Variants in SH2D3C observed in about 807,000 individuals in gnomAD.
SH2D3C encodes SH2 domain-containing protein 3C.
A neutral mutation model predicts 75.2 loss-of-function variants in SH2D3C; 25 were observed. The observed-to-expected ratio is 0.33, with a 90% CI of 0.24 to 0.46. SH2D3C has a LOEUF of 0.46. Ranked by LOEUF, SH2D3C falls within the 20% of genes least tolerant of loss-of-function variation. The pLI, the probability that SH2D3C is intolerant of heterozygous loss-of-function variation, is 1.00. For synonymous variants in SH2D3C, 450 were observed against 473.7 expected (o/e 0.95, Z 0.65); for missense variants, 933 against 1,165.3 (o/e 0.80, Z 2.90).
chr9:127,742,019 C>G, intron 8 of SH2D3C, 60 bp from the exon 9 acceptor site: 1 of 1,492,452 alleles, frequency 6.7e-7, no homozygotes, highest in Admixed American at 2.1e-5. Flanking sequence ...GGGTGCGGGC[C>G]TGGGGCGCTG....
At position 127,754,796 on chromosome 9, in the gene SH2D3C, C is replaced by A. The variant is rs1353611617; in HGVS notation, c.556-3496G>T. ...AGACCCCATCTCCCAGTCCCCCCTG[C>A]CCCAGCTCTCTCCCTCCTGCGGAGG... On this transcript the variant is annotated intron_variant, in intron 3 of 11. Coordinates refer to ENST00000314830, the MANE Select transcript of SH2D3C (RefSeq NM_170600.3). The surrounding 1 kb of genome is among the most constrained non-coding windows in gnomAD (Gnocchi z 4.4). 6.2e-6 allele frequency: 3 copies of A among 480,598 alleles called. No homozygotes were observed. The highest frequency in any genetic ancestry group is 2.3e-5 in the Admixed American group (1 of 42,794). The allele number at this position is 480,598 out of a possible 1,614,324, so 29.8% of individuals were successfully genotyped here. A position where few individuals can be genotyped will look rare whatever the true frequency, so the allele number is the denominator to read the frequency against.
At chr9:127,765,890 A>T (rs1043959264) in intron 2 of SH2D3C, among the ~76,000 whole-genome samples, 3 of 152,216 alleles carry the variant, frequency 2.0e-5, no homozygotes, top group African/African-American at 7.2e-5. Flanking sequence ...AATTGAGCTA[A>T]ATCAGTCCCA....
intron 2 of SH2D3C, among the ~76,000 whole-genome samples, chr9:127,773,191 T>C (rs2131810595): frequency 6.6e-6 from 1 of 152,344 alleles, no homozygotes; most frequent in East Asian, 1.9e-4. Context: ...ATGGGAGCTA[T>C]TGTCCTATCA....
rs574095811 is a variant in SH2D3C, at chr9:127,744,290, T to C, written c.1800+274A>G. Among the ~76,000 whole-genome samples the C allele has an allele frequency of 6.4e-4, 98 of 152,010 alleles. 1 individual carries two copies. The highest frequency in any genetic ancestry group is 2.3e-3 in the African/African-American group (94 of 41,476). On this transcript the variant is annotated intron_variant, in intron 7 of 11. Transcript: ENST00000314830. The stretch of plus-strand genomic sequence containing the variant: ...TTCGCCATGTTGCCCAGGCTGGTCT[T>C]GAACTCCTGACCTCAGGTGATCCGC...
At chr9:127,772,957 C>T (rs987806323) in intron 2 of SH2D3C, among the ~76,000 whole-genome samples, 1 of 152,100 alleles carries the variant, frequency 6.6e-6, no homozygotes, top group African/African-American at 2.4e-5. Context: ...CCTCCACCTC[C>T]TGAGTAACTG....
At chr9:127,756,350 C>T (rs973665360) in intron 3 of SH2D3C, among the ~76,000 whole-genome samples, 1 of 152,192 alleles carries the variant, frequency 6.6e-6, no homozygotes, top group Non-Finnish European at 1.5e-5. Flanking sequence ...GAACCATAGG[C>T]TCTTCAATGC....
chr9:127,772,499 A>G (rs1051395809), intron 2 of SH2D3C, among the ~76,000 whole-genome samples: 1 of 152,118 alleles, frequency 6.6e-6, no homozygotes, highest in African/African-American at 2.4e-5. Context: ...TGACCTTGTG[A>G]TCTGCCTACC....
Position 127,749,281 on chromosome 9 carries a change from G to A in SH2D3C, c.1069C>T (p.Arg357Trp), listed in dbSNP as rs149897538. The change falls in exon 5 of 12, where the codon CGG becomes TGG. Residue 357 changes from arginine to tryptophan, a missense_variant. Arg to Trp is a moderately radical substitution (Grantham distance 101). Coordinates refer to ENST00000314830, the MANE Select transcript of SH2D3C (RefSeq NM_170600.3). This position sits in a 1 kb window ranked among gnomAD's most constrained non-coding sequence, Gnocchi z 5.9. The stretch of plus-strand genomic sequence containing the variant: ...CCATCGGTCATGGTGACGCTGCGCC[G>A]CTTCATGTGGCTGCCCTTGGGGCCT... ...PSGPKGSHMK[R>W]RSVTMTDGLT... is the part of the protein sequence containing the mutation. 19 of 1,606,914 alleles carry A rather than the reference G, an allele frequency of 1.2e-5. 1 individual carries two copies. Among genetic ancestry groups the A allele is most frequent in the East Asian group, 8.9e-5 (4 of 44,776 alleles).
At chr9:127,776,141 A>T (rs1035658645) in intron 1 of SH2D3C, among the ~76,000 whole-genome samples, 16 of 152,230 alleles carry the variant, frequency 1.1e-4, no homozygotes, top group African/African-American at 3.6e-4. Flanking sequence ...TAATAATAAT[A>T]ATTTAAAAAT....
chr9:127,761,548 G>A (rs371079039), intron 3 of SH2D3C, 63 bp downstream of exon 3: 31 of 1,226,760 alleles, frequency 2.5e-5, no homozygotes, highest in African/African-American at 1.4e-4. Flanking sequence ...CTGCCCACCC[G>A]TAATGGAGCA....
chr9:127,743,706 G>A lies in SH2D3C; in HGVS notation c.1801-742C>T, dbSNP rs370712762. 2.6e-5 allele frequency among the ~76,000 whole-genome samples: 4 copies of A among 152,096 alleles called. No homozygotes were observed. In the East Asian group the frequency reaches 5.8e-4, roughly 22 times the overall value. On this transcript the variant is annotated intron_variant, in intron 7 of 11. Transcript: ENST00000314830. ...TGCCTTGTTTCTTTTCTTGCTTCCC[G>A]CGCTCTGAGACCAGTATAACCCAAT... is the stretch of plus-strand genomic sequence containing the variant.
intron 3 of SH2D3C, 120 bp downstream of exon 3, chr9:127,761,491 G>C: frequency 1.6e-6 from 1 of 643,342 alleles, no homozygotes; most frequent in Admixed American, 2.8e-5. Flanking sequence ...TCCCCTCCTG[G>C]GAATACACAG....
chr9:127,769,657 G>GAAA (rs11368432), intron 2 of SH2D3C, among the ~76,000 whole-genome samples: 14 of 88,394 alleles, frequency 1.6e-4, no homozygotes, highest in Non-Finnish European at 3.6e-4. Flanking sequence ...ACTCCATCTC[G>GAAA]AAAAAAAAAA....
intron 2 of SH2D3C, among the ~76,000 whole-genome samples, chr9:127,769,084 A>G (rs766525941): frequency 6.6e-6 from 1 of 152,150 alleles, no homozygotes; most frequent in Non-Finnish European, 1.5e-5. Context: ...GAACTCATTT[A>G]TCTTGTCTAT....
At chr9:127,747,652 G>A (rs1845074025) in intron 5 of SH2D3C, among the ~76,000 whole-genome samples, 2 of 151,702 alleles carry the variant, frequency 1.3e-5, no homozygotes, top group Admixed American at 1.3e-4. Flanking sequence ...ACATTCTCCT[G>A]CTTCAGCCTC....
chr9:127,754,378 G>A lies in SH2D3C; in HGVS notation c.556-3078C>T, dbSNP rs569884903. ...CCGGACAGGGTCTTAACCCCTTCCC[G>A]CCAGCCCGAGCCCAGCATCCCCTCC... On this transcript the variant is annotated intron_variant, in intron 3 of 11. Transcript: ENST00000314830. This position sits in a 1 kb window ranked among gnomAD's most constrained non-coding sequence, Gnocchi z 4.4. Among the ~76,000 whole-genome samples, 160 of 152,132 alleles carry A rather than the reference G, an allele frequency of 1.1e-3. No individual in the cohort carries two copies. Among genetic ancestry groups the A allele is most frequent in the African/African-American group, 3.6e-3 (148 of 41,508 alleles).
At chr9:127,757,082 G>C (rs1435493972) in intron 3 of SH2D3C, among the ~76,000 whole-genome samples, 1 of 146,604 alleles carries the variant, frequency 6.8e-6, no homozygotes, top group East Asian at 2.1e-4. Flanking sequence ...AGTGACAAGT[G>C]CCTGCCACCA....
chr9:127,744,437 A>T, intron 7 of SH2D3C, 127 bp downstream of exon 7: 1 of 1,217,606 alleles, frequency 8.2e-7, no homozygotes, highest in Non-Finnish European at 1.1e-6. Flanking sequence ...GAGCAGGCAA[A>T]GGACAGCCAT....
In SH2D3C at chr9:127,757,633, G is replaced by GATTATTATTATT. The variant is rs1491372867; in HGVS notation, c.555+3977_555+3978insAATAATAATAAT. On this transcript the variant is annotated intron_variant, in intron 3 of 11. Transcript: ENST00000314830. ...TGATGATGATGATGATGATGATGAT[G>GATTATTATTATT]ATGATGATGATGATTATTATTATTA... Among the ~76,000 whole-genome samples, 57 of 67,256 alleles carry GATTATTATTATT rather than the reference G, an allele frequency of 8.5e-4. 2 individuals carry two copies. Among genetic ancestry groups the GATTATTATTATT allele is most frequent in the East Asian group, 1.7e-3 (2 of 1,198 alleles). The allele number at this position is 67,256 out of a possible 152,430, so 44.1% of individuals were successfully genotyped here. A position where few individuals can be genotyped will look rare whatever the true frequency, so the allele number is the denominator to read the frequency against.
Sources: allele counts gnomAD v4.1 joint callset (sites outside exome capture counted in the v4.1 genomes callset), GRCh38; gene constraint gnomAD v4.1.1; non-coding constraint Gnocchi (gnomAD v3.1); transcripts MANE v1.5; gene names NCBI Gene and HGNC (gene_info 2026-07-23, HGNC 2026-07-21).